Variants in PHLDB1 observed in about 807,000 individuals in gnomAD.
PHLDB1 encodes the protein pleckstrin homology-like domain family B member 1.
PHLDB1 carries 65 observed loss-of-function variants against 139.3 expected under a neutral mutation model. The observed-to-expected ratio is 0.47, with a 90% CI of 0.38 to 0.57. The LOEUF is 0.57. PHLDB1 is among the 20% of genes least tolerant of loss of function. The probability of loss-of-function intolerance (pLI) is 0.00; values close to 1 mark genes in which losing one functional copy is unlikely to be tolerated. For missense variants in PHLDB1, 1,624 were observed against 1,839.7 expected, an observed-to-expected ratio of 0.88 and a Z score of 2.14; for synonymous variants, 679 against 734.5, an observed-to-expected ratio of 0.92 and a Z score of 1.22.
At chr11:118,655,987 C>A in intron 22 of PHLDB1, 95 bp downstream of exon 22, 1 of 922,036 alleles carries the variant, frequency 1.1e-6, no homozygotes, top group Non-Finnish European at 1.8e-6. Flanking sequence ...CCCTCCCTTC[C>A]CCCAGGCCCA....
chr11:118,638,792 A>T, intron 10 of PHLDB1, 99 bp from the exon 11 acceptor site: 1 of 853,824 alleles, frequency 1.2e-6, no homozygotes, highest in Non-Finnish European at 1.8e-6. Context: ...GATCCCCTTC[A>T]CCTGAGCCTT....
chr11:118,628,497 C>A lies in PHLDB1; in HGVS notation c.1674C>A (p.Val558=). 1 of 1,613,258 alleles carries A rather than the reference C, an allele frequency of 6.2e-7. No homozygotes were observed. The highest frequency in any genetic ancestry group is 8.5e-7 in the Non-Finnish European group (1 of 1,180,006). Residue 558 remains valine (V), a synonymous_variant, in exon 6 of 23, where the codon GTC becomes GTA. Coordinates refer to ENST00000600882, the MANE Select transcript of PHLDB1 (RefSeq NM_001144758.3). ...TGASPCQSPC[V]QRKLSSGDLR... ...CTTCACCCTGCCAGAGTCCCTGTGT[C>A]CAGAGGAAGCTCTCCAGCGGGGACT...
At chr11:118,639,779 CTACA>C in intron 12 of PHLDB1, 4 of 291,006 alleles carry the variant, frequency 1.4e-5, no homozygotes, top group African/African-American at 2.4e-5. Context: ...CCCTGCCTCA[CTACA>C]CAAACAATTT....
chr11:118,634,970 G>A (rs782463639), intron 9 of PHLDB1: 7 of 459,660 alleles, frequency 1.5e-5, no homozygotes, highest in Non-Finnish European at 2.6e-5. Flanking sequence ...AGGCCCGCCA[G>A]GCGCTCTACG....
At position 118,631,990 on chromosome 11, in the gene PHLDB1, CG is replaced by C; in HGVS notation, c.2179del (p.Val727TrpfsTer8). 1 of 1,614,080 alleles carries C rather than the reference CG, an allele frequency of 6.2e-7. No homozygotes were observed. Among genetic ancestry groups the C allele is most frequent in the Non-Finnish European group, 8.5e-7 (1 of 1,179,980 alleles). On this transcript the variant is annotated frameshift_variant, in exon 8 of 23. Coordinates refer to ENST00000600882, the MANE Select transcript of PHLDB1 (RefSeq NM_001144758.3). LOFTEE classifies it high-confidence loss of function. ...EEERAQVLGH[V>X]EQLKVRVKEL... ...AAGAGCGGGCTCAGGTGCTGGGGCA[CG>C]TGGAGCAGCTCAAGGTCCGTGTGAA... is the stretch of plus-strand genomic sequence containing the variant.
Position 118,650,253 on chromosome 11 carries a change from A to T in PHLDB1, c.3771+60A>T, listed in dbSNP as rs1404269754. 7.7e-7 allele frequency: 1 copy of T among 1,302,956 alleles called. No homozygotes were observed. The highest frequency in any genetic ancestry group is 2.3e-5 in the East Asian group (1 of 43,460). The allele number at this position is 1,302,956 out of a possible 1,614,324, so 80.7% of individuals were successfully genotyped here. On this transcript the variant is annotated intron_variant, in intron 19 of 22. Transcript: ENST00000600882. This position sits in a 1 kb window ranked among gnomAD's most constrained non-coding sequence, Gnocchi z 4.7. Reference sequence around the variant, plus strand: ...GAGGGAGAATCCCGTGGTGAGAGGCACCTCCTGGGTCGTTGGAATAGTGGC... The same window carrying T: ...GAGGGAGAATCCCGTGGTGAGAGGCTCCTCCTGGGTCGTTGGAATAGTGGC...
chr11:118,610,515 C>A lies in PHLDB1; in HGVS notation c.-22+2816C>A. On this transcript the variant is annotated intron_variant, in intron 1 of 22. Transcript: ENST00000600882. This position sits in a 1 kb window ranked among gnomAD's most constrained non-coding sequence, Gnocchi z 8.7. ...CTTGGGCCGAGGCCGAGGCCGACCC[C>A]CAGGGACACAGGTGAGGCCGGGCGA... 7.1e-6 allele frequency: 7 copies of A among 980,994 alleles called. No individual in the cohort carries two copies. The highest frequency in any genetic ancestry group is 8.5e-6 in the Non-Finnish European group (7 of 825,848). The allele number at this position is 980,994 out of a possible 1,614,324, so 60.8% of individuals were successfully genotyped here.
Position 118,613,840 on chromosome 11 carries a change from GA to G in PHLDB1, c.5del (p.Asp2AlafsTer8). The G allele has an allele frequency of 6.2e-7, 1 of 1,612,042 alleles. No individual in the cohort carries two copies. Among genetic ancestry groups the G allele is most frequent in the South Asian group, 1.1e-5 (1 of 90,934 alleles). Reference protein sequence around the residue: MDALNRNQIGPG... With the variant: MXALNRNQIGPG... ...GGAGCTCTGGAGCCTTAGGACCATGGACGCTCTCAATAGGAACCAAATAGGC... is the reference window on the plus strand; with the variant it reads ...GGAGCTCTGGAGCCTTAGGACCATGGCGCTCTCAATAGGAACCAAATAGGC... On this transcript the variant is annotated frameshift_variant, in exon 2 of 23. Transcript: ENST00000600882. LOFTEE classifies it high-confidence loss of function.
chr11:118,621,416 C>G (rs543798460), intron 4 of PHLDB1: 141 of 152,340 alleles, frequency 9.3e-4, no homozygotes, highest in African/African-American at 3.2e-3. Flanking sequence ...CCTCGCTGCT[C>G]GCTCCGAGCC....
intron 15 of PHLDB1, 194 bp downstream of exon 15, chr11:118,644,368 C>T: frequency 3.4e-6 from 2 of 593,436 alleles, no homozygotes; most frequent in South Asian, 4.0e-5. Context: ...GGGCAGGAGA[C>T]TAAGGGCTTA....
chr11:118,623,907 TGTGTGTGTGTGA>T (rs782124406), intron 4 of PHLDB1, among the ~76,000 whole-genome samples: 1 of 151,050 alleles, frequency 6.6e-6, no homozygotes, highest in Non-Finnish European at 1.5e-5. Context: ...TGTGTGTGTG[TGTGTGTGTGTGA>T]GACGGAGTTT....
chr11:118,644,597 AC>A lies in PHLDB1; in HGVS notation c.3121+428del, dbSNP rs1346545971. On this transcript the variant is annotated intron_variant, in intron 15 of 22. Coordinates refer to ENST00000600882, the MANE Select transcript of PHLDB1 (RefSeq NM_001144758.3). Reference sequence around the variant, plus strand: ...CATGTCTGTGCCTCTCTCTCCTCTTACCCCCTCTGTGTCTCTACCGTACCCT... The same window carrying A: ...CATGTCTGTGCCTCTCTCTCCTCTTACCCCTCTGTGTCTCTACCGTACCCT... 39 of 1,195,368 alleles carry A rather than the reference AC, an allele frequency of 3.3e-5. No individual in the cohort carries two copies. In the East Asian group the frequency reaches 2.2e-3, roughly 66 times the overall value. The allele number at this position is 1,195,368 out of a possible 1,614,324, so 74.0% of individuals were successfully genotyped here.
At position 118,642,291 on chromosome 11, in the gene PHLDB1, AG is replaced by A. The variant is rs782261960; in HGVS notation, c.2775del (p.Gln925HisfsTer6). 1 of 1,613,018 alleles carries A rather than the reference AG, an allele frequency of 6.2e-7. No individual in the cohort carries two copies. The highest frequency in any genetic ancestry group is 8.5e-7 in the Non-Finnish European group (1 of 1,179,910). ...KLLLPAVDLE[Q>X]WYQELMAGLG... ...CTGCTCCCTGCTGTAGACTTAGAGC[AG>A]TGGTACCAGGAGCTGATGGCCGGGC... On this transcript the variant is annotated frameshift_variant, in exon 13 of 23. Transcript: ENST00000600882. LOFTEE classifies it high-confidence loss of function.
At chr11:118,654,899 G>A (rs782017655) in intron 20 of PHLDB1, 4 of 152,044 alleles carry the variant, frequency 2.6e-5, no homozygotes, top group Non-Finnish European at 5.9e-5. Context: ...TGTATTTTGA[G>A]TAGAGACGGG....
rs566085518 is a variant in PHLDB1, at chr11:118,657,219, C to T, written c.*396C>T. ...ATCCAGAGTGGGGTAATAGCTCAGG[C>T]GGCCCGCTTCCCATTTCTCAAACCC... is the stretch of plus-strand genomic sequence containing the variant. On this transcript the variant is annotated 3_prime_UTR_variant, in exon 23 of 23. Transcript: ENST00000600882. 26 of 163,256 alleles carry T rather than the reference C, an allele frequency of 1.6e-4. No homozygotes were observed. Among genetic ancestry groups the T allele is most frequent in the South Asian group, 5.3e-4 (3 of 5,614 alleles). The allele number at this position is 163,256 out of a possible 1,614,324, so 10.1% of individuals were successfully genotyped here. A position where few individuals can be genotyped will look rare whatever the true frequency, so the allele number is the denominator to read the frequency against.
intron 18 of PHLDB1, among the ~76,000 whole-genome samples, chr11:118,649,812 G>A (rs535406603): frequency 1.3e-5 from 2 of 152,284 alleles, no homozygotes; most frequent in East Asian, 3.9e-4. Flanking sequence ...GAGGGGCAGG[G>A]CAAGACAAAG....
At position 118,628,588 on chromosome 11, in the gene PHLDB1, C is replaced by T. The variant is rs1555106831; in HGVS notation, c.1765C>T (p.Leu589Phe). The change falls in exon 6 of 23, where the codon CTC becomes TTC. Residue 589 changes from leucine (L) to phenylalanine (F), a missense_variant. Coordinates refer to ENST00000600882, the MANE Select transcript of PHLDB1 (RefSeq NM_001144758.3). The part of the protein sequence containing the change: ...ITEISDNEDD[L>F]LEYHRRQRQE... The stretch of plus-strand genomic sequence containing the variant: ...AGAGATCAGTGACAATGAGGACGAC[C>T]TCCTGGAGTACCACCGGCGACAGCG... 6.2e-7 allele frequency: 1 copy of T among 1,612,962 alleles called. No individual in the cohort carries two copies.
In PHLDB1 at chr11:118,632,983, C is replaced by A. The variant is rs1197942624; in HGVS notation, c.2379+687C>A. On this transcript the variant is annotated intron_variant, in intron 9 of 22. Coordinates refer to ENST00000600882, the MANE Select transcript of PHLDB1 (RefSeq NM_001144758.3). This position sits in a 1 kb window ranked among gnomAD's most constrained non-coding sequence, Gnocchi z 5.9. ...CTCAATTTTGAGAATCTTAAAAATT[C>A]TTTGACCCTTTTTTTTTTTTTTTGG... The A allele has an allele frequency of 3.0e-3, 630 of 210,678 alleles. No homozygotes were observed. Among genetic ancestry groups the A allele is most frequent in the Non-Finnish European group, 4.3e-3 (564 of 131,424 alleles). 13.1% of individuals were successfully genotyped at this position (210,678 alleles called of 1,614,324 possible). A position where few individuals can be genotyped will look rare whatever the true frequency, so the allele number is the denominator to read the frequency against.
At chr11:118,644,659 C>T in intron 15 of PHLDB1, 2 of 1,289,726 alleles carry the variant, frequency 1.6e-6, no homozygotes, top group Non-Finnish European at 2.0e-6. Context: ...GAGTCGCTTC[C>T]CGCCGAGCCC....
Sources: gnomAD v4.1 joint callset for allele counts (sites outside exome capture counted in the v4.1 genomes callset) on GRCh38, gnomAD v4.1.1 for gene constraint, Gnocchi (gnomAD v3.1) non-coding constraint, MANE v1.5 for transcripts, NCBI Gene and HGNC (gene_info 2026-07-23, HGNC 2026-07-21) for gene names.